LITAF: variants seen among roughly 807,000 people sequenced by gnomAD.
The protein encoded by LITAF is lipopolysaccharide induced TNF factor, also known as lipopolysaccharide-induced tumor necrosis factor-alpha factor.
LITAF carries 9 observed loss-of-function variants against 14.5 expected under a neutral mutation model. The observed-to-expected ratio is 0.62, with a 90% CI of 0.37 to 1.08. The LOEUF is 1.08. Among genes scored for constraint, LITAF ranks in the 50% least tolerant of loss-of-function variants. The probability of loss-of-function intolerance (pLI) is 0.01; values close to 1 mark genes in which losing one functional copy is unlikely to be tolerated. For synonymous variants in LITAF, 98 were observed against 88.2 expected (o/e 1.11, Z -0.62); for missense variants, 206 against 213.4 (o/e 0.97, Z 0.22).
At position 11,586,142 on chromosome 16, in the gene LITAF, C is replaced by T. The variant is rs1418948769; in HGVS notation, c.-6+744G>A. The T allele has an allele frequency of 6.6e-6, 1 of 152,434 alleles. No individual in the cohort carries two copies. The highest frequency in any genetic ancestry group is 2.4e-5 in the African/African-American group (1 of 41,470). 9.4% of individuals were successfully genotyped at this position (152,434 alleles called of 1,614,324 possible). A position where few individuals can be genotyped will look rare whatever the true frequency, so the allele number is the denominator to read the frequency against. On this transcript the variant is annotated intron_variant, in intron 1 of 3. Coordinates refer to ENST00000622633, the MANE Select transcript of LITAF (RefSeq NM_001136472.2). This position sits in a 1 kb window ranked among gnomAD's most constrained non-coding sequence, Gnocchi z 6.5. ...AGTCACCAGCTGGTCCCACCAGCAC[C>T]TACCCAGCACCGGCGGTGGACGGTG...
chr16:11,623,109 GCCC>G lies in LITAF; in HGVS notation c.85+10421_85+10423del, dbSNP rs1321081550. On this transcript the variant is annotated intron_variant, in intron 3 of 3. Coordinates refer to the LITAF transcript ENST00000574848. ...CAACTGAGTAGCTGGGACTACAGGCGCCCACCACCACGCCCGGCTAATTTTTGT... is the reference window on the plus strand; with the variant it reads ...CAACTGAGTAGCTGGGACTACAGGCGACCACCACGCCCGGCTAATTTTTGT... Among the ~76,000 whole-genome samples the G allele has an allele frequency of 4.8e-4, 72 of 151,292 alleles. 2 individuals are homozygous for G. In the South Asian group the frequency reaches 6.9e-3, roughly 14 times the overall value.
intron 1 of LITAF, among the ~76,000 whole-genome samples, chr16:11,593,233 G>A (rs2064858866): frequency 1.3e-5 from 2 of 151,964 alleles, no homozygotes; most frequent in South Asian, 4.2e-4. Flanking sequence ...GCAGATGCCT[G>A]TAAACCCAAC....
chr16:11,610,732 G>A (rs1235327603), intron 3 of LITAF, among the ~76,000 whole-genome samples: 1 of 152,160 alleles, frequency 6.6e-6, no homozygotes, highest in African/African-American at 2.4e-5. Context: ...CACAAATGCA[G>A]GGGGCACTCT....
chr16:11,553,496 G>A lies in LITAF; in HGVS notation c.377+37C>T. On this transcript the variant is annotated intron_variant, in intron 3 of 3. Transcript: ENST00000622633. This position sits in a 1 kb window ranked among gnomAD's most constrained non-coding sequence, Gnocchi z 7.7. Reference sequence around the variant, plus strand: ...CCCCCGCCAGCACCCAGAGAGAAGGGCAGGATGGCTTGGGGCCAAGTGGGA... The same window carrying A: ...CCCCCGCCAGCACCCAGAGAGAAGGACAGGATGGCTTGGGGCCAAGTGGGA... 1.2e-6 allele frequency: 2 copies of A among 1,612,070 alleles called. No homozygotes were observed. Among genetic ancestry groups the A allele is most frequent in the Middle Eastern group, 1.7e-4 (1 of 6,024 alleles).
upstream of LITAF, among the ~76,000 whole-genome samples, chr16:11,588,557 AAG>A (rs1461923504): frequency 6.7e-6 from 1 of 149,304 alleles, no homozygotes; most frequent in Non-Finnish European, 1.5e-5. Flanking sequence ...AAGAAAGAGA[AAG>A]AAAGAAAGGG....
Position 11,553,373 on chromosome 16 carries a change from T to C in LITAF, c.377+160A>G, listed in dbSNP as rs1242633915. On this transcript the variant is annotated intron_variant, in intron 3 of 3. Transcript: ENST00000622633. The surrounding 1 kb of genome is among the most constrained non-coding windows in gnomAD (Gnocchi z 7.7). ...TTACAGTGAGCCGAGATCGCCCCAC[T>C]GTACTCCAGCCTGGGCGACAGAACC... 2.6e-6 allele frequency: 2 copies of C among 766,768 alleles called. No individual in the cohort carries two copies. Among genetic ancestry groups the C allele is most frequent in the East Asian group, 2.7e-5 (1 of 36,608 alleles). The allele number at this position is 766,768 out of a possible 1,614,324, so 47.5% of individuals were successfully genotyped here.
intron 1 of LITAF, among the ~76,000 whole-genome samples, chr16:11,580,332 A>T (rs571120008): frequency 6.6e-6 from 1 of 151,212 alleles, no homozygotes; most frequent in Non-Finnish European, 1.5e-5. Flanking sequence ...ATCTCAGCTC[A>T]CTGTAACCTC....
upstream of LITAF, chr16:11,587,186 C>A (rs17552324): frequency 2.3e-4 from 78 of 335,904 alleles, no homozygotes; most frequent in Admixed American, 1.6e-4. Context: ...GTGTCTCCCC[C>A]ACTCTCCTAT....
rs149916941 is a variant in LITAF at position 11,592,792 on chromosome 16, T to G, written c.-6+5596A>C. Among the ~76,000 whole-genome samples the G allele has an allele frequency of 2.3e-3, 353 of 152,146 alleles. 3 individuals are homozygous for G. In the Middle Eastern group the frequency reaches 0.031, roughly 13 times the overall value. ...GGCTCATGCCTGTAATCCTAACACT[T>G]TGGGAGGCCGAGGTTGGCAGATCAC... On this transcript the variant is annotated intron_variant, in intron 1 of 3. Coordinates refer to the LITAF transcript ENST00000571627.
At chr16:11,616,858 G>A (rs1021829374) in intron 3 of LITAF, among the ~76,000 whole-genome samples, 17 of 148,390 alleles carry the variant, frequency 1.1e-4, no homozygotes, top group Admixed American at 6.8e-4. Context: ...GCTGCAGTGA[G>A]CTGTGACTGA....
intron 3 of LITAF, among the ~76,000 whole-genome samples, chr16:11,631,485 T>C (rs987942313): frequency 6.6e-6 from 1 of 152,308 alleles, no homozygotes; most frequent in African/African-American, 2.4e-5. Flanking sequence ...AGCCACAACC[T>C]CCCGAGCTTA....
upstream of LITAF, among the ~76,000 whole-genome samples, chr16:11,602,758 T>C (rs1284247920): frequency 3.2e-5 from 3 of 92,814 alleles, no homozygotes; most frequent in Non-Finnish European, 7.3e-5. Flanking sequence ...TGTGGCTTGT[T>C]GCAAAAAAAA....
chr16:11,632,096 T>C lies in LITAF; in HGVS notation c.85+1437A>G, dbSNP rs2065120986. Among the ~76,000 whole-genome samples, 2 of 151,064 alleles carry C rather than the reference T, an allele frequency of 1.3e-5. No homozygotes were observed. The highest frequency in any genetic ancestry group is 6.6e-5 in the Admixed American group (1 of 15,176). ...GTTAACCAGGATGGTCTTGATCTCC[T>C]GACCTCGTGATCCACCCGCCTCGGC... On this transcript the variant is annotated intron_variant, in intron 3 of 3. Coordinates refer to the LITAF transcript ENST00000574848. The surrounding 1 kb of genome is among the most constrained non-coding windows in gnomAD (Gnocchi z 4.8).
At chr16:11,588,382 T>C (rs901648624), upstream of LITAF, among the ~76,000 whole-genome samples, 1 of 151,888 alleles carries the variant, frequency 6.6e-6, no homozygotes, top group Non-Finnish European at 1.5e-5. Flanking sequence ...AGTGGTGGCA[T>C]GTGCCAGCTA....
chr16:11,562,814 T>A (rs1276100255), intron 1 of LITAF, among the ~76,000 whole-genome samples: 1 of 151,962 alleles, frequency 6.6e-6, no homozygotes, highest in South Asian at 2.1e-4. Context: ...GGAGGATCAC[T>A]TGAGCCCAAG....
At chr16:11,612,063 G>A (rs1351691515) in intron 3 of LITAF, among the ~76,000 whole-genome samples, 1 of 152,080 alleles carries the variant, frequency 6.6e-6, no homozygotes, top group Non-Finnish European at 1.5e-5. Context: ...TCTTCCCCTC[G>A]GGGCTCGGAA....
intron 3 of LITAF, among the ~76,000 whole-genome samples, chr16:11,609,509 C>T (rs186034637): frequency 2.0e-5 from 3 of 152,072 alleles, no homozygotes; most frequent in Admixed American, 6.6e-5. Flanking sequence ...CCACCGTGCC[C>T]GGCCTGAATG....
chr16:11,565,119 G>A (rs1008170378), intron 1 of LITAF, among the ~76,000 whole-genome samples: 5 of 143,712 alleles, frequency 3.5e-5, no homozygotes, highest in African/African-American at 7.9e-5. Context: ...TTCTCGCTCC[G>A]TCGCTCAGGC....
intron 1 of LITAF, among the ~76,000 whole-genome samples, chr16:11,583,815 T>A (rs1363875046): frequency 1.3e-5 from 2 of 152,224 alleles, no homozygotes; most frequent in African/African-American, 4.8e-5. Flanking sequence ...TCCTGGTATA[T>A]AAACTCCTAC....
Sources: allele counts gnomAD v4.1 joint callset (sites outside exome capture counted in the v4.1 genomes callset), GRCh38; gene constraint gnomAD v4.1.1; non-coding constraint Gnocchi (gnomAD v3.1); transcripts MANE v1.5; gene names NCBI Gene and HGNC (gene_info 2026-07-23, HGNC 2026-07-21).